The following VPS13A variants were observed in gnomAD, a reference collection of about 807,000 sequenced individuals.
VPS13A encodes vacuolar protein sorting 13 homolog A.
VPS13A carries 264 observed loss-of-function variants against 390.9 expected under a neutral mutation model. That is an observed-to-expected ratio of 0.68 (90% confidence interval 0.61 to 0.75). VPS13A has a LOEUF of 0.75. Among genes scored for constraint, VPS13A ranks in the 30% least tolerant of loss-of-function variants. The probability of loss-of-function intolerance (pLI) is 0.00; values close to 1 mark genes in which losing one functional copy is unlikely to be tolerated. For missense variants in VPS13A, 3,409 were observed against 3,733.9 expected, an observed-to-expected ratio of 0.91 and a Z score of 2.27; for synonymous variants, 1,231 against 1,227.1, an observed-to-expected ratio of 1.00 and a Z score of -0.07.
intron 47 of VPS13A, 163 bp downstream of exon 47, chr9:77,337,700 A>T: frequency 1.5e-6 from 1 of 688,588 alleles, no homozygotes; most frequent in Non-Finnish European, 2.3e-6. Flanking sequence ...GAGAATTATT[A>T]TTGAAATAAC....
rs1384712931 is a variant in VPS13A, at chr9:77,238,101, C to T, written c.1695C>T (p.Phe565=). 3.1e-6 allele frequency: 5 copies of T among 1,613,260 alleles called. No individual in the cohort carries two copies. Among genetic ancestry groups the T allele is most frequent in the African/African-American group, 1.3e-5 (1 of 74,924 alleles). ...LSSLDDAMSL[F]QITFEINPLD... The stretch of plus-strand genomic sequence containing the variant: ...CATTGGATGATGCAATGTCACTTTT[C>T]CAAATTACATTTGAGATAAATCCAT... Residue 565 remains phenylalanine, a synonymous_variant, in exon 18 of 72, where the codon TTC becomes TTT. Coordinates refer to ENST00000360280, the MANE Select transcript of VPS13A (RefSeq NM_033305.3).
chr9:77,258,884 G>A (rs929834129), intron 22 of VPS13A, among the ~76,000 whole-genome samples: 1 of 152,142 alleles, frequency 6.6e-6, no homozygotes, highest in Admixed American at 6.5e-5. Flanking sequence ...CAGGGTACCA[G>A]AAAAAGTAGG....
intron 69 of VPS13A, 109 bp from the exon 70 acceptor site, chr9:77,405,755 A>G (rs1834571191): frequency 1.5e-6 from 2 of 1,337,636 alleles, no homozygotes; most frequent in Non-Finnish European, 2.1e-6. Flanking sequence ...AATATAGTCT[A>G]TGTTGATGAA....
chr9:77,271,798 A>G, intron 23 of VPS13A, among the ~76,000 whole-genome samples: 1 of 152,160 alleles, frequency 6.6e-6, no homozygotes, highest in Non-Finnish European at 1.5e-5. Flanking sequence ...AAAAGAGGAA[A>G]ATAATAGCCC....
At chr9:77,285,461 A>T (rs1032439100) in intron 31 of VPS13A, among the ~76,000 whole-genome samples, 2 of 152,208 alleles carry the variant, frequency 1.3e-5, no homozygotes, top group Non-Finnish European at 2.9e-5. Context: ...TGATAGTCTC[A>T]TGAAAAACAT....
At position 77,238,000 on chromosome 9, in the gene VPS13A, A is replaced by G. The variant is rs2131230395; in HGVS notation, c.1596-2A>G. 2 of 1,593,558 alleles carry G rather than the reference A, an allele frequency of 1.3e-6. No individual in the cohort carries two copies. Among genetic ancestry groups the G allele is most frequent in the East Asian group, 2.2e-5 (1 of 44,688 alleles). The stretch of plus-strand genomic sequence containing the variant: ...GACTTTTTTCTTTTTTTTTTAATGC[A>G]GATTTGAAACTAAAATAGATTCATT... On this transcript the variant is annotated splice_acceptor_variant, in intron 17 of 71. Transcript: ENST00000360280. LOFTEE classifies it high-confidence loss of function.
Position 77,177,546 on chromosome 9 carries a change from C to T in VPS13A, c.-159C>T. 1.5e-6 allele frequency: 1 copy of T among 673,016 alleles called. No homozygotes were observed. The highest frequency in any genetic ancestry group is 2.6e-6 in the Non-Finnish European group (1 of 381,282). 41.7% of individuals were successfully genotyped at this position (673,016 alleles called of 1,614,324 possible). A position where few individuals can be genotyped will look rare whatever the true frequency, so the allele number is the denominator to read the frequency against. ...CGTGAGAGCGACCGCCTCCGTCTCT[C>T]GCTGGGCTCGCTAGGGCTGCGCGTT... On this transcript the variant is annotated 5_prime_UTR_variant, in exon 1 of 72. Transcript: ENST00000360280.
intron 53 of VPS13A, 97 bp from the exon 54 acceptor site, chr9:77,353,312 T>C: frequency 2.2e-6 from 2 of 910,898 alleles, no homozygotes; most frequent in East Asian, 5.1e-5. Flanking sequence ...GTGCCATTAA[T>C]AGTCTCATTT....
At chr9:77,385,580 A>G (rs1176303466) in intron 68 of VPS13A, among the ~76,000 whole-genome samples, 4 of 152,032 alleles carry the variant, frequency 2.6e-5, no homozygotes, top group African/African-American at 9.6e-5. Flanking sequence ...TTTGTGTAAT[A>G]AAGGTTTTTA....
intron 33 of VPS13A, among the ~76,000 whole-genome samples, chr9:77,302,271 T>C (rs988706411): frequency 6.6e-5 from 10 of 152,052 alleles, no homozygotes; most frequent in African/African-American, 2.4e-4. Context: ...ATAGAGATAA[T>C]TCTTATTTTA....
intron 46 of VPS13A, among the ~76,000 whole-genome samples, chr9:77,336,681 ATATGAAACCATT>A (rs1195612056): frequency 8.6e-6 from 1 of 115,774 alleles, no homozygotes; most frequent in Non-Finnish European, 2.2e-5. Flanking sequence ...ATGTATTTTT[ATATGAAACCATT>A]TATAAGTGTA....
chr9:77,251,519 C>A (rs979409770), intron 21 of VPS13A, among the ~76,000 whole-genome samples: 2 of 152,020 alleles, frequency 1.3e-5, no homozygotes, highest in Non-Finnish European at 2.9e-5. Flanking sequence ...AGTGTGTGTA[C>A]CTGTGAATAT....
At chr9:77,309,403 T>C (rs901196463) in intron 35 of VPS13A, among the ~76,000 whole-genome samples, 2 of 152,180 alleles carry the variant, frequency 1.3e-5, no homozygotes, top group Non-Finnish European at 2.9e-5. Flanking sequence ...GGCAATTCTT[T>C]AAAGAAGTAT....
intron 17 of VPS13A, among the ~76,000 whole-genome samples, chr9:77,232,237 C>G (rs1219313242): frequency 6.6e-6 from 1 of 152,128 alleles, no homozygotes; most frequent in Non-Finnish European, 1.5e-5. Context: ...AATGTTTTAG[C>G]TGTTCAAGGG....
At chr9:77,322,493 A>C (rs1475459294) in intron 44 of VPS13A, among the ~76,000 whole-genome samples, 2 of 151,972 alleles carry the variant, frequency 1.3e-5, no homozygotes, top group African/African-American at 2.4e-5. Flanking sequence ...CAGGTGTTTC[A>C]GGTGTTGTCA....
intron 1 of VPS13A, among the ~76,000 whole-genome samples, chr9:77,184,915 T>C (rs1476247082): frequency 1.3e-5 from 2 of 152,146 alleles, no homozygotes; most frequent in African/African-American, 4.8e-5. Context: ...TCCATCTCTT[T>C]ATCTGTATCC....
intron 22 of VPS13A, among the ~76,000 whole-genome samples, chr9:77,257,266 G>T (rs928910341): frequency 6.6e-6 from 1 of 151,954 alleles, no homozygotes; most frequent in Non-Finnish European, 1.5e-5. Flanking sequence ...ACAGGGTCTT[G>T]TTCTGTCACC....
intron 68 of VPS13A, among the ~76,000 whole-genome samples, chr9:77,385,673 T>C (rs1833651985): frequency 6.6e-6 from 1 of 152,030 alleles, no homozygotes; most frequent in Non-Finnish European, 1.5e-5. Context: ...AAGTATATGA[T>C]CTTTGGTAGT....
intron 26 of VPS13A, 46 bp downstream of exon 26, chr9:77,276,267 TG>T: frequency 6.8e-7 from 1 of 1,479,294 alleles, no homozygotes; most frequent in Non-Finnish European, 9.1e-7. Flanking sequence ...TTTCATTGTT[TG>T]ACTACCTGCT....
Sources: allele counts gnomAD v4.1 joint callset (sites outside exome capture counted in the v4.1 genomes callset), GRCh38; gene constraint gnomAD v4.1.1; transcripts MANE v1.5; gene names NCBI Gene and HGNC (gene_info 2026-07-23, HGNC 2026-07-21).